Variants in MALRD1 observed in about 807,000 individuals in gnomAD.
MALRD1 encodes the protein MAM and LDL receptor class A domain containing 1.
MALRD1 carries 247 observed loss-of-function variants against 242.1 expected under a neutral mutation model. The ratio of observed to expected loss-of-function variants is 1.02; its 90% CI spans 0.92 to 1.13. The LOEUF (loss-of-function observed/expected upper bound fraction) is 1.13, where lower values mean the gene tolerates loss of function less well. Ranked by LOEUF, MALRD1 falls within the 50% of genes most tolerant of loss-of-function variation. MALRD1 has a pLI of 0.00. For synonymous variants in MALRD1, 995 were observed against 866.6 expected (o/e 1.15, Z -2.60); for missense variants, 2,989 against 2,533.1 (o/e 1.18, Z -3.86).
At chr10:19,383,934 A>G (rs7924261) in intron 26 of MALRD1, among the ~76,000 whole-genome samples, 3,144 of 152,126 alleles carry the variant, frequency 0.021, 40 homozygotes, top group Middle Eastern at 0.034. Context: ...GTGAGGTGTT[A>G]TGGAAATGTA....
At chr10:19,525,317 A>G (rs1400763856) in intron 31 of MALRD1, among the ~76,000 whole-genome samples, 1 of 152,068 alleles carries the variant, frequency 6.6e-6, no homozygotes, top group Non-Finnish European at 1.5e-5. Flanking sequence ...AAATCTCGAG[A>G]GTGTAGCTAA....
At chr10:19,065,301 A>AAAAAAAAAAAAAG in intron 1 of MALRD1, among the ~76,000 whole-genome samples, 1 of 150,508 alleles carries the variant, frequency 6.6e-6, no homozygotes, top group Non-Finnish European at 1.5e-5. Context: ...AAAAAAAAAA[A>AAAAAAAAAAAAAG]AAAAAAAAGG....
chr10:19,325,006 CTTTTTTTT>C (rs34290618), intron 22 of MALRD1, among the ~76,000 whole-genome samples: 2 of 77,946 alleles, frequency 2.6e-5, no homozygotes, highest in Admixed American at 1.7e-4. Flanking sequence ...TCAGTAGTTG[CTTTTTTTT>C]TTTTTTTTTT....
At chr10:19,177,459 T>C (rs1036496242) in intron 14 of MALRD1, among the ~76,000 whole-genome samples, 1 of 152,074 alleles carries the variant, frequency 6.6e-6, no homozygotes, top group African/African-American at 2.4e-5. Flanking sequence ...TTTGGAGGTA[T>C]AGGGGCAGAA....
chr10:19,701,823 C>A (rs1833646002), intron 38 of MALRD1, among the ~76,000 whole-genome samples: 1 of 149,506 alleles, frequency 6.7e-6, no homozygotes, highest in African/African-American at 2.5e-5. Context: ...CTTCTCCATC[C>A]CTCACCTTCT....
chr10:19,182,878 A>C (rs531054685), intron 14 of MALRD1, among the ~76,000 whole-genome samples: 1 of 152,308 alleles, frequency 6.6e-6, no homozygotes, highest in South Asian at 2.1e-4. Context: ...TCTTTAAAAA[A>C]TAATACTTAA....
chr10:19,526,691 T>A (rs1834114472), intron 31 of MALRD1, among the ~76,000 whole-genome samples: 1 of 152,122 alleles, frequency 6.6e-6, no homozygotes, highest in South Asian at 2.1e-4. Context: ...ATAATTGGAA[T>A]GGTTAGCTTT....
In MALRD1 at chr10:19,580,905, C is replaced by T. The variant is rs925181162; in HGVS notation, c.5680+13202C>T. ...CACTCTGTGTACTTTCCCACGCATGCCAGGACTCTCTGAGTCTTTAGTCAA... is the reference window on the plus strand; with the variant it reads ...CACTCTGTGTACTTTCCCACGCATGTCAGGACTCTCTGAGTCTTTAGTCAA... On this transcript the variant is annotated intron_variant, in intron 33 of 39. Transcript: ENST00000454679. Among the ~76,000 whole-genome samples, 14 of 152,208 alleles carry T rather than the reference C, an allele frequency of 9.2e-5. 1 individual carries two copies. The East Asian group carries it at 2.7e-3, about 29-fold the overall frequency.
At chr10:19,594,260 T>C (rs1447901132) in intron 33 of MALRD1, among the ~76,000 whole-genome samples, 1 of 152,190 alleles carries the variant, frequency 6.6e-6, no homozygotes, top group Admixed American at 6.5e-5. Flanking sequence ...TTTGAAGGTG[T>C]CAGTTTTCAT....
intron 38 of MALRD1, among the ~76,000 whole-genome samples, chr10:19,701,460 A>G (rs981214479): frequency 6.6e-6 from 1 of 151,898 alleles, no homozygotes; most frequent in African/African-American, 2.4e-5. Context: ...CTTCTTTGTC[A>G]TTTCCTCTTT....
intron 25 of MALRD1, 102 bp downstream of exon 25, chr10:19,348,120 AG>A (rs1844213494): frequency 7.1e-7 from 1 of 1,399,478 alleles, no homozygotes; most frequent in Admixed American, 2.8e-5. Flanking sequence ...GCCAGAGAAA[AG>A]ATGAGTTTGA....
rs532769454 is a variant in MALRD1, at chr10:19,654,972, TTAA to T, written c.6138-37303_6138-37301del. On this transcript the variant is annotated intron_variant, in intron 36 of 39. Transcript: ENST00000454679. ...TAAAGAAGTGCCACATTATTTCCTA[TTAA>T]TAATAAGTTTAAATAAATCAGAATT... Among the ~76,000 whole-genome samples, 8 of 152,296 alleles carry T rather than the reference TTAA, an allele frequency of 5.3e-5. No individual in the cohort carries two copies. In the South Asian group the frequency reaches 8.3e-4, roughly 16 times the overall value.
At chr10:19,273,955 G>C (rs576514164) in intron 19 of MALRD1, among the ~76,000 whole-genome samples, 168 of 152,166 alleles carry the variant, frequency 1.1e-3, no homozygotes, top group African/African-American at 3.7e-3. Flanking sequence ...CCATTAGGAT[G>C]GCCACTATCC....
intron 19 of MALRD1, among the ~76,000 whole-genome samples, chr10:19,270,820 A>ACACT (rs747546089): frequency 3.3e-5 from 5 of 150,612 alleles, no homozygotes; most frequent in African/African-American, 7.3e-5. Context: ...ACACACACAC[A>ACACT]CACACACACA....
intron 28 of MALRD1, among the ~76,000 whole-genome samples, chr10:19,449,528 T>C (rs1835200331): frequency 6.7e-6 from 1 of 149,896 alleles, no homozygotes; most frequent in Admixed American, 6.6e-5. Flanking sequence ...TATGCCTCTG[T>C]TTTGGTGAGA....
chr10:19,048,791 G>T (rs1366511195), upstream of MALRD1: 1 of 505,368 alleles, frequency 2.0e-6, no homozygotes, highest in Non-Finnish European at 3.1e-6. Context: ...TGCCTGGGGA[G>T]TAATTTGTTA....
At chr10:19,255,322 A>G (rs1415957022) in intron 18 of MALRD1, among the ~76,000 whole-genome samples, 1 of 152,024 alleles carries the variant, frequency 6.6e-6, no homozygotes, top group Non-Finnish European at 1.5e-5. Flanking sequence ...TATACAATGT[A>G]TAATGCTTGT....
intron 14 of MALRD1, among the ~76,000 whole-genome samples, chr10:19,187,991 A>G (rs1835811269): frequency 6.6e-6 from 1 of 152,216 alleles, no homozygotes; most frequent in East Asian, 1.9e-4. Context: ...GGGCTAATTA[A>G]ATCACAATCT....
At chr10:19,675,741 A>T (rs1279853218) in intron 36 of MALRD1, among the ~76,000 whole-genome samples, 5 of 152,236 alleles carry the variant, frequency 3.3e-5, no homozygotes, top group African/African-American at 1.2e-4. Context: ...GCATATTTTC[A>T]GTAAATATTG....
Sources: allele counts gnomAD v4.1 joint callset (sites outside exome capture counted in the v4.1 genomes callset), GRCh38; gene constraint gnomAD v4.1.1; transcripts MANE v1.5; gene names NCBI Gene and HGNC (gene_info 2026-07-23, HGNC 2026-07-21).